Variants in GRID2 observed in about 807,000 individuals in gnomAD.
GRID2 encodes glutamate receptor ionotropic, delta-2.
A neutral mutation model predicts 114.8 loss-of-function variants in GRID2; 33 were observed. The ratio of observed to expected loss-of-function variants is 0.29; its 90% CI spans 0.22 to 0.38. GRID2 has a LOEUF of 0.38. Ranked by LOEUF, GRID2 falls within the 10% of genes least tolerant of loss-of-function variation. GRID2 has a pLI of 1.00. For missense variants in GRID2, 1,184 were observed against 1,257.7 expected, an observed-to-expected ratio of 0.94 and a Z score of 0.89; for synonymous variants, 505 against 449.9, an observed-to-expected ratio of 1.12 and a Z score of -1.55.
intron 9 of GRID2, among the ~76,000 whole-genome samples, chr4:93,420,883 A>T (rs1443593689): frequency 6.6e-6 from 1 of 151,964 alleles, no homozygotes; most frequent in Non-Finnish European, 1.5e-5. Context: ...CCTCCCAAGT[A>T]GCTGGGACTA....
At chr4:93,742,464 T>C (rs1467933815) in intron 14 of GRID2, among the ~76,000 whole-genome samples, 1 of 152,196 alleles carries the variant, frequency 6.6e-6, no homozygotes, top group Non-Finnish European at 1.5e-5. Context: ...TACAAGCATA[T>C]GTGGTTTTAC....
chr4:93,425,592 A>G (rs1238028783), intron 10 of GRID2, among the ~76,000 whole-genome samples: 2 of 152,168 alleles, frequency 1.3e-5, no homozygotes, highest in African/African-American at 2.4e-5. Flanking sequence ...TAATTTTCCT[A>G]GGATCTCTCC....
At chr4:92,980,142 C>T (rs1754103138) in intron 2 of GRID2, among the ~76,000 whole-genome samples, 1 of 152,024 alleles carries the variant, frequency 6.6e-6, no homozygotes, top group Non-Finnish European at 1.5e-5. Flanking sequence ...GTTGCAATAA[C>T]TTCAAGAACC....
chr4:93,737,608 A>G (rs908154997), intron 14 of GRID2, among the ~76,000 whole-genome samples: 1 of 152,064 alleles, frequency 6.6e-6, no homozygotes, highest in Non-Finnish European at 1.5e-5. Context: ...AGCATTTCAA[A>G]CATTAATTAA....
chr4:92,374,344 A>C (rs1349778579), intron 1 of GRID2, among the ~76,000 whole-genome samples: 1 of 152,062 alleles, frequency 6.6e-6, no homozygotes, highest in Non-Finnish European at 1.5e-5. Context: ...AACTTAACCA[A>C]CTGTCAACCA....
At chr4:93,422,702 A>T in intron 9 of GRID2, 69 bp from the exon 10 acceptor site, 1 of 951,538 alleles carries the variant, frequency 1.1e-6, no homozygotes, top group Non-Finnish European at 1.6e-6. Context: ...AAAACTCTTT[A>T]AAGAATTAAT....
At chr4:92,982,022 T>TAAAAAAAAAAAAAAAAAAAAA (rs1161216679) in intron 2 of GRID2, among the ~76,000 whole-genome samples, 46 of 80,148 alleles carry the variant, frequency 5.7e-4, no homozygotes, top group African/African-American at 6.9e-4. Context: ...AAAGTACTGG[T>TAAAAAAAAAAAAAAAAAAAAA]AAAAAAAAAA....
rs908193220 is a variant in GRID2 at position 93,328,688 on chromosome 4, T to C, written c.1246-66919T>C. Among the ~76,000 whole-genome samples, 3 of 148,962 alleles carry C rather than the reference T, an allele frequency of 2.0e-5. No homozygotes were observed. In the East Asian group the frequency reaches 5.8e-4, roughly 29 times the overall value. Reference sequence around the variant, plus strand: ...CCTATATATATGTTGATTAAGTGCATGGATGGATGGATGGATGGTTGGATG... The same window carrying C: ...CCTATATATATGTTGATTAAGTGCACGGATGGATGGATGGATGGTTGGATG... On this transcript the variant is annotated intron_variant, in intron 8 of 15. Coordinates refer to ENST00000282020, the MANE Select transcript of GRID2 (RefSeq NM_001510.4).
At chr4:93,665,420 G>T (rs963697905) in intron 14 of GRID2, among the ~76,000 whole-genome samples, 1 of 152,020 alleles carries the variant, frequency 6.6e-6, no homozygotes, top group Non-Finnish European at 1.5e-5. Flanking sequence ...GTTTTATGTG[G>T]GGTAGTGTTT....
chr4:93,797,151 C>G (rs1044873853), intron 1 of GRID2, among the ~76,000 whole-genome samples: 10 of 152,166 alleles, frequency 6.6e-5, no homozygotes, highest in African/African-American at 2.4e-4. Context: ...GTATTATAAT[C>G]TTACAGGACC....
intron 13 of GRID2, among the ~76,000 whole-genome samples, chr4:93,543,069 A>G (rs894883686): frequency 5.9e-5 from 9 of 152,226 alleles, no homozygotes; most frequent in Non-Finnish European, 1.2e-4. Flanking sequence ...CAGGTCACTG[A>G]TTCGCACTGC....
chr4:92,758,006 A>G (rs1197529442), intron 2 of GRID2, among the ~76,000 whole-genome samples: 1 of 152,114 alleles, frequency 6.6e-6, no homozygotes, highest in Admixed American at 6.6e-5. Flanking sequence ...TAGAATTCAC[A>G]AGTAGTAACA....
At chr4:92,379,592 T>C (rs1034349594) in intron 1 of GRID2, among the ~76,000 whole-genome samples, 9 of 152,016 alleles carry the variant, frequency 5.9e-5, no homozygotes, top group Non-Finnish European at 1.3e-4. Flanking sequence ...TATTTTATAA[T>C]CTATTATTTT....
intron 4 of GRID2, among the ~76,000 whole-genome samples, chr4:93,161,663 A>G (rs1222087714): frequency 6.6e-6 from 1 of 151,822 alleles, no homozygotes; most frequent in Admixed American, 6.6e-5. Context: ...TCAGGGTAAA[A>G]AAAATAACAA....
chr4:93,181,568 T>G (rs1310931653), intron 4 of GRID2, among the ~76,000 whole-genome samples: 1 of 152,178 alleles, frequency 6.6e-6, no homozygotes, highest in Non-Finnish European at 1.5e-5. Context: ...AAATGAAAAT[T>G]TGTTTAATGT....
chr4:93,092,347 C>T (rs1167305380), intron 3 of GRID2, among the ~76,000 whole-genome samples: 7 of 151,994 alleles, frequency 4.6e-5, no homozygotes, highest in African/African-American at 7.2e-5. Flanking sequence ...AATAATAACA[C>T]GACCTAAAAA....
At chr4:93,769,005 A>G (rs548796479) in intron 14 of GRID2, among the ~76,000 whole-genome samples, 7 of 152,132 alleles carry the variant, frequency 4.6e-5, no homozygotes, top group Non-Finnish European at 1.0e-4. Context: ...AGAGAGAGGA[A>G]AGCAGTGTGG....
intron 13 of GRID2, among the ~76,000 whole-genome samples, chr4:93,519,410 A>G (rs923694612): frequency 3.9e-5 from 6 of 152,182 alleles, no homozygotes; most frequent in Non-Finnish European, 8.8e-5. Context: ...TTGAGTAGTT[A>G]CTGGCATTAG....
At chr4:92,320,678 A>G (rs1273563081) in intron 1 of GRID2, among the ~76,000 whole-genome samples, 1 of 152,066 alleles carries the variant, frequency 6.6e-6, no homozygotes, top group African/African-American at 2.4e-5. Flanking sequence ...GAGTTTCACC[A>G]TGTTGGCCAG....
Sources: allele counts gnomAD v4.1 joint callset (sites outside exome capture counted in the v4.1 genomes callset), GRCh38; gene constraint gnomAD v4.1.1; transcripts MANE v1.5; gene names NCBI Gene and HGNC (gene_info 2026-07-23, HGNC 2026-07-21).